The following THSD4 variants were observed in gnomAD, a reference collection of about 807,000 sequenced individuals.
THSD4 encodes the protein thrombospondin type 1 domain containing 4, also known as thrombospondin type-1 domain-containing protein 4.
THSD4 carries 69 observed loss-of-function variants against 119.0 expected under a neutral mutation model. The ratio of observed to expected loss-of-function variants is 0.58; its 90% CI spans 0.48 to 0.71. THSD4 has a LOEUF of 0.71. Ranked by LOEUF, THSD4 falls within the 30% of genes least tolerant of loss-of-function variation. The probability of loss-of-function intolerance (pLI) is 0.00; values close to 1 mark genes in which losing one functional copy is unlikely to be tolerated. For missense variants in THSD4, 1,393 were observed against 1,391.1 expected, an observed-to-expected ratio of 1.00 and a Z score of -0.02; for synonymous variants, 524 against 540.4, an observed-to-expected ratio of 0.97 and a Z score of 0.42.
chr15:71,341,126 T>C (rs1448767687), intron 6 of THSD4: 1 of 1,343,500 alleles, frequency 7.4e-7, no homozygotes, highest in Non-Finnish European at 1.0e-6. Context: ...CTTTTTTTTT[T>C]CCTTTTAATT....
chr15:71,583,036 A>G (rs2049590348), intron 7 of THSD4, among the ~76,000 whole-genome samples: 1 of 152,160 alleles, frequency 6.6e-6, no homozygotes, highest in Non-Finnish European at 1.5e-5. Context: ...GGTAGAATTC[A>G]CTGGTGAAGC....
chr15:71,542,801 CG>C (rs2048777597), intron 7 of THSD4, among the ~76,000 whole-genome samples: 1 of 151,022 alleles, frequency 6.6e-6, no homozygotes, highest in African/African-American at 2.4e-5. Context: ...GGCGTGAACC[CG>C]GGAGGCGGAG....
chr15:71,531,087 G>GA (rs2048603365), intron 7 of THSD4, among the ~76,000 whole-genome samples: 1 of 152,028 alleles, frequency 6.6e-6, no homozygotes, highest in Admixed American at 6.5e-5. Flanking sequence ...AGAGCCATAG[G>GA]AAAAAATGAG....
At chr15:71,590,643 A>T (rs571860711) in intron 7 of THSD4, among the ~76,000 whole-genome samples, 1 of 151,822 alleles carries the variant, frequency 6.6e-6, no homozygotes, top group South Asian at 2.1e-4. Context: ...CTGTGCAGCA[A>T]ACCACCATGG....
intron 1 of THSD4, among the ~76,000 whole-genome samples, chr15:71,137,262 C>A (rs2040560031): frequency 6.6e-6 from 1 of 152,160 alleles, no homozygotes; most frequent in Admixed American, 6.5e-5. Context: ...TATTTGGGAA[C>A]CCTCACTCTT....
chr15:71,365,337 C>T (rs1046382568), intron 6 of THSD4, among the ~76,000 whole-genome samples: 1 of 152,098 alleles, frequency 6.6e-6, no homozygotes, highest in African/African-American at 2.4e-5. Context: ...CCCTTCCTGT[C>T]ACTGTTGCTG....
intron 7 of THSD4, among the ~76,000 whole-genome samples, chr15:71,427,555 C>T (rs921720708): frequency 2.0e-5 from 3 of 149,658 alleles, no homozygotes; most frequent in African/African-American, 4.9e-5. Context: ...ACTGGCCTCC[C>T]AGACCTTGGA....
chr15:71,675,385 G>T (rs1224142543), intron 8 of THSD4, among the ~76,000 whole-genome samples: 2 of 152,202 alleles, frequency 1.3e-5, no homozygotes, highest in Non-Finnish European at 2.9e-5. Context: ...TTACATGTCT[G>T]TGCTCTTCCC....
intron 7 of THSD4, among the ~76,000 whole-genome samples, chr15:71,442,249 C>T (rs1307479620): frequency 1.3e-5 from 2 of 151,918 alleles, no homozygotes; most frequent in African/African-American, 4.8e-5. Flanking sequence ...TGAGCCACCG[C>T]ACCCAGCCCC....
chr15:71,459,380 G>GTCTCTCTGTCTC (rs1555416117), intron 7 of THSD4, among the ~76,000 whole-genome samples: 5 of 137,760 alleles, frequency 3.6e-5, no homozygotes, highest in South Asian at 2.5e-4. Flanking sequence ...CTGTCTCTCT[G>GTCTCTCTGTCTC]TCTCTCTCTC....
At chr15:71,192,958 GT>G (rs1327073487) in intron 3 of THSD4, among the ~76,000 whole-genome samples, 1 of 152,096 alleles carries the variant, frequency 6.6e-6, no homozygotes, top group Non-Finnish European at 1.5e-5. Flanking sequence ...TGTTTTTAAA[GT>G]TTGCATAAAA....
intron 7 of THSD4, among the ~76,000 whole-genome samples, chr15:71,472,052 C>T (rs1469221996): frequency 6.6e-6 from 1 of 152,076 alleles, no homozygotes; most frequent in Non-Finnish European, 1.5e-5. Flanking sequence ...GTAGCTGGAA[C>T]CACAGGCATG....
Position 71,141,567 on chromosome 15 carries a change from A to G in THSD4, c.29+11A>G. 6.2e-7 allele frequency: 1 copy of G among 1,605,770 alleles called. No homozygotes were observed. Among genetic ancestry groups the G allele is most frequent in the Non-Finnish European group, 8.5e-7 (1 of 1,176,786 alleles). ...CATGGGGTCTCTCAGGTAAGTGAAG[A>G]AACTTTTTTTAAAAAAACAGGAGAA... is the stretch of plus-strand genomic sequence containing the variant. On this transcript the variant is annotated intron_variant, in intron 2 of 17. Transcript: ENST00000261862.
At chr15:71,168,681 G>T (rs895791671) in intron 3 of THSD4, among the ~76,000 whole-genome samples, 1 of 152,144 alleles carries the variant, frequency 6.6e-6, no homozygotes, top group African/African-American at 2.4e-5. Context: ...ACCTCGTGAT[G>T]GGTTACAGGC....
chr15:71,285,212 T>C (rs2044700779), intron 6 of THSD4, among the ~76,000 whole-genome samples: 1 of 152,202 alleles, frequency 6.6e-6, no homozygotes, highest in Admixed American at 6.5e-5. Context: ...CTAATAAGCC[T>C]TCACAAATAA....
intron 4 of THSD4, 73 bp downstream of exon 4, chr15:71,215,472 C>T: frequency 7.2e-7 from 1 of 1,391,318 alleles, no homozygotes; most frequent in Non-Finnish European, 9.5e-7. Flanking sequence ...GCCCCTGCCT[C>T]GCACGCTGCT....
intron 6 of THSD4, among the ~76,000 whole-genome samples, chr15:71,353,423 C>T (rs1489632400): frequency 6.6e-6 from 1 of 152,204 alleles, no homozygotes; most frequent in African/African-American, 2.4e-5. Context: ...GTTTGCTTTA[C>T]TAGAGCAAGT....
At chr15:71,167,794 A>C (rs138307456) in intron 3 of THSD4, among the ~76,000 whole-genome samples, 9 of 152,340 alleles carry the variant, frequency 5.9e-5, no homozygotes, top group African/African-American at 2.2e-4. Flanking sequence ...CTACTAAAAG[A>C]CATCACTTTT....
At chr15:71,260,785 G>A (rs928717126) in intron 6 of THSD4, among the ~76,000 whole-genome samples, 4 of 152,076 alleles carry the variant, frequency 2.6e-5, no homozygotes, top group Non-Finnish European at 5.9e-5. Flanking sequence ...GGGCTGAATT[G>A]CACCCCCAAA....
Sources: gnomAD v4.1 joint callset for allele counts (sites outside exome capture counted in the v4.1 genomes callset) on GRCh38, gnomAD v4.1.1 for gene constraint, MANE v1.5 for transcripts, NCBI Gene and HGNC (gene_info 2026-07-23, HGNC 2026-07-21) for gene names.